NTM: variants seen among roughly 807,000 people sequenced by gnomAD.
NTM encodes IgLON family member 2.
Under a neutral mutation model 42.1 loss-of-function variants are expected in NTM, and 13 were observed. The observed-to-expected ratio is 0.31, with a 90% confidence interval of 0.20 to 0.49. The LOEUF (loss-of-function observed/expected upper bound fraction) is 0.49. Ranked by LOEUF, NTM falls within the 20% of genes least tolerant of loss-of-function variation. NTM has a pLI of 0.99. For synonymous variants in NTM, 187 were observed against 179.2 expected (o/e 1.04, Z -0.35); for missense variants, 373 against 452.8 (o/e 0.82, Z 1.60).
At chr11:132,209,816 A>G (rs2082555038) in intron 3 of NTM, among the ~76,000 whole-genome samples, 1 of 152,174 alleles carries the variant, frequency 6.6e-6, no homozygotes. Flanking sequence ...CAACAAGGGC[A>G]TGGGGATAAG....
intron 2 of NTM, among the ~76,000 whole-genome samples, chr11:132,106,843 T>G (rs1259675388): frequency 1.3e-5 from 2 of 152,202 alleles, no homozygotes; most frequent in Non-Finnish European, 2.9e-5. Context: ...AGAGGTGTAC[T>G]GCCATTGAGC....
intron 1 of NTM, among the ~76,000 whole-genome samples, chr11:131,444,746 G>T (rs944144844): frequency 2.6e-5 from 4 of 152,192 alleles, no homozygotes; most frequent in Admixed American, 1.3e-4. Flanking sequence ...GATACAGAAA[G>T]AGTGGAGAAG....
At chr11:131,866,091 ATGCACACACACACACATGC>A (rs2047171498) in intron 1 of NTM, among the ~76,000 whole-genome samples, 1 of 148,122 alleles carries the variant, frequency 6.8e-6, no homozygotes, top group African/African-American at 2.5e-5. Flanking sequence ...CACATGCTAC[ATGCACACACACACACATGC>A]TGCACACACA....
In NTM at chr11:132,099,973, T is replaced by C. The variant is rs145136959; in HGVS notation, c.168-46309T>C. On this transcript the variant is annotated intron_variant, in intron 2 of 8. Coordinates refer to ENST00000683400, the MANE Select transcript of NTM (RefSeq NM_001352005.2). The stretch of plus-strand genomic sequence containing the variant: ...CATTTCCTTCCCCCACTTTGCACCA[T>C]TGAGATCCCTTTCTACTCACCACCC... 4.0e-4 allele frequency among the ~76,000 whole-genome samples: 61 copies of C among 152,214 alleles called. No individual in the cohort carries two copies. In the East Asian group the frequency reaches 0.01, roughly 25 times the overall value.
rs369978067 is a variant in NTM at position 131,469,003 on chromosome 11, G to A, written c.82+98115G>A. Among the ~76,000 whole-genome samples, 268 of 152,370 alleles carry A rather than the reference G, an allele frequency of 1.8e-3. 4 individuals are homozygous for A. Among genetic ancestry groups the A allele is most frequent in the African/African-American group, 3.2e-3 (133 of 41,600 alleles). On this transcript the variant is annotated intron_variant, in intron 1 of 8. Coordinates refer to ENST00000683400, the MANE Select transcript of NTM (RefSeq NM_001352005.2). ...CCAAGGCAATAAGCAGATGGAAAGCGTTGGTTGTTCTTACCCATGGCCTGT... is the reference window on the plus strand; with the variant it reads ...CCAAGGCAATAAGCAGATGGAAAGCATTGGTTGTTCTTACCCATGGCCTGT...
chr11:131,666,027 G>T (rs1166776998), intron 1 of NTM, among the ~76,000 whole-genome samples: 2 of 152,216 alleles, frequency 1.3e-5, no homozygotes, highest in African/African-American at 4.8e-5. Flanking sequence ...CACAGTAAAT[G>T]TGATGTTGTA....
chr11:131,697,822 C>G (rs956013), intron 1 of NTM, among the ~76,000 whole-genome samples: 42,850 of 152,088 alleles, frequency 0.28, 7,978 homozygotes, highest in African/African-American at 0.53. Flanking sequence ...TGTGATTTTT[C>G]CTCATGATCA....
intron 1 of NTM, among the ~76,000 whole-genome samples, chr11:131,463,025 T>C (rs1361844771): frequency 3.9e-5 from 6 of 151,998 alleles, no homozygotes; most frequent in African/African-American, 1.2e-4. Flanking sequence ...CACATCTTCT[T>C]TGCATGCAGT....
At chr11:132,008,240 A>G (rs562513155) in intron 2 of NTM, among the ~76,000 whole-genome samples, 2 of 152,088 alleles carry the variant, frequency 1.3e-5, no homozygotes. Flanking sequence ...TATGGGATGC[A>G]TCTCTTTGGA....
At chr11:132,197,339 T>C (rs2080397116) in intron 3 of NTM, among the ~76,000 whole-genome samples, 1 of 152,168 alleles carries the variant, frequency 6.6e-6, no homozygotes, top group Admixed American at 6.6e-5. Context: ...AAAATGATTC[T>C]ATTAATAGTT....
chr11:131,976,064 A>C (rs1593322761), intron 2 of NTM, among the ~76,000 whole-genome samples: 1 of 151,832 alleles, frequency 6.6e-6, no homozygotes, highest in Non-Finnish European at 1.5e-5. Flanking sequence ...TAAATCTGTG[A>C]TTGGTGCAGT....
chr11:131,972,688 C>A (rs866337632), intron 2 of NTM, among the ~76,000 whole-genome samples: 1 of 152,152 alleles, frequency 6.6e-6, no homozygotes, highest in Admixed American at 6.5e-5. Flanking sequence ...ATGGAACCCC[C>A]GCATAATGTG....
intron 1 of NTM, among the ~76,000 whole-genome samples, chr11:131,554,158 A>G (rs924833164): frequency 6.6e-6 from 1 of 152,138 alleles, no homozygotes; most frequent in Non-Finnish European, 1.5e-5. Flanking sequence ...CTTTTGCTAT[A>G]ATGTGTTGTC....
chr11:132,189,171 A>G (rs562180782), intron 3 of NTM, among the ~76,000 whole-genome samples: 1 of 152,180 alleles, frequency 6.6e-6, no homozygotes, highest in African/African-American at 2.4e-5. Flanking sequence ...GCAAGTCTAT[A>G]GTGTGTGCTT....
At chr11:131,588,681 A>G (rs1224712254) in intron 1 of NTM, among the ~76,000 whole-genome samples, 1 of 152,228 alleles carries the variant, frequency 6.6e-6, no homozygotes, top group African/African-American at 2.4e-5. Flanking sequence ...ACTGAACATC[A>G]TCAAATTTTT....
At chr11:131,804,638 A>G (rs1277484955) in intron 1 of NTM, among the ~76,000 whole-genome samples, 3 of 152,262 alleles carry the variant, frequency 2.0e-5, no homozygotes, top group Non-Finnish European at 2.9e-5. Context: ...CCTCTGCAAC[A>G]TCTTCTCTCA....
At chr11:131,812,065 G>A (rs983735955) in intron 1 of NTM, among the ~76,000 whole-genome samples, 3 of 152,158 alleles carry the variant, frequency 2.0e-5, no homozygotes, top group Admixed American at 6.5e-5. Flanking sequence ...CACCCAGTGC[G>A]TGTAGAGTAA....
chr11:132,078,261 G>A (rs2058612290), intron 2 of NTM, among the ~76,000 whole-genome samples: 1 of 152,222 alleles, frequency 6.6e-6, no homozygotes, highest in Admixed American at 6.5e-5. Context: ...GCCTGGTGAG[G>A]CTAGTGCAAG....
intron 1 of NTM, among the ~76,000 whole-genome samples, chr11:131,878,776 C>G (rs1421776853): frequency 6.6e-6 from 1 of 151,562 alleles, no homozygotes; most frequent in Non-Finnish European, 1.5e-5. Context: ...CTCATATAAG[C>G]TGGTCTTTCT....
Sources: gnomAD v4.1 joint callset for allele counts (sites outside exome capture counted in the v4.1 genomes callset) on GRCh38, gnomAD v4.1.1 for gene constraint, MANE v1.5 for transcripts, NCBI Gene and HGNC (gene_info 2026-07-23, HGNC 2026-07-21) for gene names.